VEPH1: variants seen among roughly 807,000 people sequenced by gnomAD.
The protein encoded by VEPH1 is ventricular zone-expressed PH domain-containing protein homolog 1.
In VEPH1, 80 loss-of-function variants were observed where a neutral mutation model predicts 85.2. That is an observed-to-expected ratio of 0.94 (90% CI 0.78 to 1.13). VEPH1 has a LOEUF of 1.13. Ranked by LOEUF, VEPH1 falls within the 50% of genes most tolerant of loss-of-function variation. The pLI, the probability that VEPH1 is intolerant of heterozygous loss-of-function variation, is 0.00. For missense variants in VEPH1, 955 were observed against 980.5 expected, an observed-to-expected ratio of 0.97 and a Z score of 0.35; for synonymous variants, 297 against 348.0, an observed-to-expected ratio of 0.85 and a Z score of 1.63.
At chr3:157,412,705 A>G (rs1468239613) in intron 6 of VEPH1, among the ~76,000 whole-genome samples, 1 of 152,172 alleles carries the variant, frequency 6.6e-6, no homozygotes, top group Non-Finnish European at 1.5e-5. Flanking sequence ...CATCTACACC[A>G]GAGAAATCCC....
chr3:157,438,630 C>T (rs573457729), intron 4 of VEPH1, among the ~76,000 whole-genome samples: 204 of 152,138 alleles, frequency 1.3e-3, no homozygotes, highest in African/African-American at 4.8e-3. Flanking sequence ...CCAGCTCCAC[C>T]CCAGGGATTC....
At chr3:157,414,114 A>C (rs780669867) in intron 5 of VEPH1, 24 bp from the exon 6 acceptor site, 1 of 1,527,416 alleles carries the variant, frequency 6.5e-7, no homozygotes, top group South Asian at 1.2e-5. Flanking sequence ...GGAGAGGAGG[A>C]GGGAAGAAAG....
At chr3:157,397,869 T>A (rs1341711956) in intron 6 of VEPH1, among the ~76,000 whole-genome samples, 3 of 152,216 alleles carry the variant, frequency 2.0e-5, no homozygotes, top group African/African-American at 4.8e-5. Flanking sequence ...ATGCATTGCT[T>A]GAAGTTCTCC....
At chr3:157,369,180 GAAAAAAAAAAA>G (rs58451868) in intron 7 of VEPH1, among the ~76,000 whole-genome samples, 32 of 42,786 alleles carry the variant, frequency 7.5e-4, no homozygotes, top group African/African-American at 2.2e-3. Context: ...AAAACCAAAT[GAAAAAAAAAAA>G]AAAAAAAAAA....
At chr3:157,427,217 C>A (rs978325281) in intron 5 of VEPH1, among the ~76,000 whole-genome samples, 2 of 152,140 alleles carry the variant, frequency 1.3e-5, no homozygotes, top group Admixed American at 1.3e-4. Context: ...AACTCCTGAC[C>A]TCGTGATCTG....
chr3:157,489,075 G>A (rs1304724714), intron 2 of VEPH1: 4 of 455,420 alleles, frequency 8.8e-6, no homozygotes, highest in East Asian at 7.0e-5. Context: ...GCTCCATGAT[G>A]GTCAGAACCT....
intron 9 of VEPH1, among the ~76,000 whole-genome samples, chr3:157,344,538 C>T (rs1577391819): frequency 6.6e-6 from 1 of 152,114 alleles, no homozygotes; most frequent in East Asian, 1.9e-4. Flanking sequence ...AGGATACAAA[C>T]AAATGGAACA....
At chr3:157,272,370 C>CT (rs1553754660) in intron 12 of VEPH1, among the ~76,000 whole-genome samples, 2 of 111,284 alleles carry the variant, frequency 1.8e-5, no homozygotes, top group African/African-American at 7.5e-5. Flanking sequence ...CTTTCTTTCT[C>CT]TTTCTTTTCT....
chr3:157,468,977 C>T (rs562624388), intron 3 of VEPH1, among the ~76,000 whole-genome samples: 9 of 152,162 alleles, frequency 5.9e-5, no homozygotes, highest in East Asian at 1.9e-4. Flanking sequence ...GCCCTAAAGA[C>T]GAGTGGTTTT....
At chr3:157,424,428 G>C (rs775475064) in intron 5 of VEPH1, among the ~76,000 whole-genome samples, 5 of 152,188 alleles carry the variant, frequency 3.3e-5, no homozygotes, top group African/African-American at 7.2e-5. Flanking sequence ...AACTGTGGAC[G>C]TGACTTTGGA....
chr3:157,443,150 GAA>G, intron 4 of VEPH1: 1 of 756,426 alleles, frequency 1.3e-6, no homozygotes. Flanking sequence ...ACAGTTGAAG[GAA>G]AGACATTGGA....
chr3:157,305,040 C>CTATCTATCTATCTATA (rs1719314208), intron 11 of VEPH1, among the ~76,000 whole-genome samples: 1 of 146,784 alleles, frequency 6.8e-6, no homozygotes, highest in African/African-American at 2.5e-5. Flanking sequence ...ATTGTTATAT[C>CTATCTATCTATCTATA]TATCTATCTA....
At chr3:157,330,193 C>T (rs1722349121) in intron 9 of VEPH1, among the ~76,000 whole-genome samples, 1 of 152,194 alleles carries the variant, frequency 6.6e-6, no homozygotes, top group Non-Finnish European at 1.5e-5. Context: ...ATAACAACTT[C>T]ACTTTGAAAT....
At chr3:157,363,212 A>AC in intron 9 of VEPH1, 152 bp downstream of exon 9, 1 of 751,010 alleles carries the variant, frequency 1.3e-6, no homozygotes, top group Admixed American at 3.2e-5. Flanking sequence ...GAAAAAAAAA[A>AC]AAAAAACTAA....
chr3:157,358,842 A>G (rs944610304), intron 9 of VEPH1, among the ~76,000 whole-genome samples: 1 of 152,184 alleles, frequency 6.6e-6, no homozygotes, highest in Non-Finnish European at 1.5e-5. Flanking sequence ...CTAAAAATAC[A>G]AAAATTAGCT....
chr3:157,373,544 T>G (rs916403372), intron 7 of VEPH1, among the ~76,000 whole-genome samples: 1 of 152,124 alleles, frequency 6.6e-6, no homozygotes, highest in Non-Finnish European at 1.5e-5. Context: ...TAGGGAGCAT[T>G]TGGGGAACCA....
At chr3:157,502,113 A>G (rs1387519476) in intron 1 of VEPH1, among the ~76,000 whole-genome samples, 1 of 152,134 alleles carries the variant, frequency 6.6e-6, no homozygotes, top group Non-Finnish European at 1.5e-5. Flanking sequence ...GCGTGCTGCT[A>G]CACTTCACTT....
At chr3:157,376,081 T>C (rs951631306) in intron 7 of VEPH1, among the ~76,000 whole-genome samples, 3 of 152,180 alleles carry the variant, frequency 2.0e-5, no homozygotes, top group Non-Finnish European at 2.9e-5. Context: ...TCTCCTTTTT[T>C]CCTTGGGTCT....
intron 4 of VEPH1, among the ~76,000 whole-genome samples, chr3:157,458,570 G>T (rs545016601): frequency 6.6e-6 from 1 of 152,122 alleles, no homozygotes; most frequent in South Asian, 2.1e-4. Context: ...CCATTCTGTA[G>T]GTTGTCTGTT....
Sources: gnomAD v4.1 joint callset for allele counts (sites outside exome capture counted in the v4.1 genomes callset) on GRCh38, gnomAD v4.1.1 for gene constraint, MANE v1.5 for transcripts, NCBI Gene and HGNC (gene_info 2026-07-23, HGNC 2026-07-21) for gene names.